The following PTPRN2 variants were observed in gnomAD, a reference collection of about 807,000 sequenced individuals.
PTPRN2 encodes protein tyrosine phosphatase receptor type N2.
In PTPRN2, 74 loss-of-function variants were observed where a neutral mutation model predicts 118.8. The ratio of observed to expected loss-of-function variants is 0.62; its 90% CI spans 0.52 to 0.76. The LOEUF (loss-of-function observed/expected upper bound fraction) is 0.76. PTPRN2 is among the 30% of genes least tolerant of loss of function. The pLI is 0.00. For synonymous variants in PTPRN2, 641 were observed against 608.0 expected, an observed-to-expected ratio of 1.05 and a Z score of -0.80; for missense variants, 1,481 against 1,394.4, an observed-to-expected ratio of 1.06 and a Z score of -0.99.
At chr7:157,762,643 T>C (rs1186790676) in intron 12 of PTPRN2, among the ~76,000 whole-genome samples, 3 of 150,416 alleles carry the variant, frequency 2.0e-5, no homozygotes, top group East Asian at 2.0e-4. Flanking sequence ...TACCTAATGC[T>C]AGATGACGAG....
At chr7:158,310,588 C>T (rs550542237) in intron 3 of PTPRN2, among the ~76,000 whole-genome samples, 17 of 152,346 alleles carry the variant, frequency 1.1e-4, no homozygotes, top group South Asian at 4.1e-4. Context: ...TGGAAGGAGC[C>T]ACTGGGCCTG....
chr7:158,151,666 C>T (rs1229284553), intron 6 of PTPRN2, among the ~76,000 whole-genome samples: 1 of 152,144 alleles, frequency 6.6e-6, no homozygotes, highest in East Asian at 1.9e-4. Context: ...CTCCTTCTTC[C>T]CTCTTGTTTC....
At chr7:157,875,847 C>A (rs1199858911) in intron 12 of PTPRN2, among the ~76,000 whole-genome samples, 1 of 150,430 alleles carries the variant, frequency 6.6e-6, no homozygotes, top group African/African-American at 2.4e-5. Flanking sequence ...GCCAGGCGTC[C>A]CCAGGGCAGG....
At chr7:157,742,016 CT>C (rs1800660446) in intron 12 of PTPRN2, among the ~76,000 whole-genome samples, 1 of 152,214 alleles carries the variant, frequency 6.6e-6, no homozygotes, top group Non-Finnish European at 1.5e-5. Context: ...AGCGCTCTTT[CT>C]GTGTGGATGG....
intron 14 of PTPRN2, among the ~76,000 whole-genome samples, chr7:157,628,252 G>A (rs1358877410): frequency 6.6e-6 from 1 of 152,192 alleles, no homozygotes. Flanking sequence ...TGTTCACAAT[G>A]TATTACATAG....
chr7:158,551,275 G>A (rs1343808470), intron 1 of PTPRN2, among the ~76,000 whole-genome samples: 1 of 152,242 alleles, frequency 6.6e-6, no homozygotes. Context: ...GCTGTCTCAT[G>A]GTCTTGCCTC....
chr7:157,548,237 A>C (rs1323069683), intron 22 of PTPRN2, among the ~76,000 whole-genome samples: 1 of 152,132 alleles, frequency 6.6e-6, no homozygotes, highest in African/African-American at 2.4e-5. Context: ...ACAACAACAA[A>C]CAAACAACAA....
intron 3 of PTPRN2, among the ~76,000 whole-genome samples, chr7:158,281,514 C>T (rs1799422078): frequency 6.6e-6 from 1 of 152,228 alleles, no homozygotes; most frequent in Non-Finnish European, 1.5e-5. Context: ...CATATGCCCA[C>T]AGTCTGCTAT....
At chr7:157,989,995 G>T (rs1288900221) in intron 11 of PTPRN2, among the ~76,000 whole-genome samples, 1 of 152,068 alleles carries the variant, frequency 6.6e-6, no homozygotes, top group Non-Finnish European at 1.5e-5. Flanking sequence ...GCTGCTTCGT[G>T]TCCCTTCTTT....
chr7:158,262,775 C>T (rs567324311), intron 3 of PTPRN2, among the ~76,000 whole-genome samples: 29 of 139,534 alleles, frequency 2.1e-4, no homozygotes, highest in African/African-American at 7.3e-4. Flanking sequence ...CACACATTCA[C>T]ACACACTACA....
intron 12 of PTPRN2, among the ~76,000 whole-genome samples, chr7:157,782,972 A>T (rs1407083506): frequency 6.6e-6 from 1 of 152,100 alleles, no homozygotes. Context: ...ATGTTGGGGG[A>T]GTGACCTGGT....
intron 11 of PTPRN2, among the ~76,000 whole-genome samples, chr7:157,935,735 TG>T (rs1799656823): frequency 6.6e-6 from 1 of 152,226 alleles, no homozygotes; most frequent in Middle Eastern, 3.2e-3. Flanking sequence ...GTCCACTCCT[TG>T]CTTTTAAAAT....
chr7:158,121,824 G>T (rs899360273), intron 9 of PTPRN2, among the ~76,000 whole-genome samples: 5 of 152,218 alleles, frequency 3.3e-5, no homozygotes, highest in Non-Finnish European at 7.3e-5. Flanking sequence ...GCCTGGCAAG[G>T]GTGACAGTGC....
At chr7:157,631,265 C>A (rs927514514) in intron 14 of PTPRN2, among the ~76,000 whole-genome samples, 1 of 152,170 alleles carries the variant, frequency 6.6e-6, no homozygotes, top group Non-Finnish European at 1.5e-5. Context: ...CGGAGAAAGT[C>A]CCCAGTTGGT....
chr7:157,732,211 CAGTT>C (rs1302611319), intron 12 of PTPRN2, among the ~76,000 whole-genome samples: 1 of 85,422 alleles, frequency 1.2e-5, no homozygotes, highest in African/African-American at 4.4e-5. Flanking sequence ...GCGCCCAGCA[CAGTT>C]ACTCTTTCCC....
chr7:157,828,958 T>A (rs953568207), intron 12 of PTPRN2, among the ~76,000 whole-genome samples: 2 of 152,234 alleles, frequency 1.3e-5, no homozygotes, highest in Non-Finnish European at 2.9e-5. Context: ...TCTTTATGCA[T>A]CATGGTTTTT....
At chr7:158,350,727 G>T (rs1247135317) in intron 2 of PTPRN2, among the ~76,000 whole-genome samples, 1 of 152,138 alleles carries the variant, frequency 6.6e-6, no homozygotes, top group Non-Finnish European at 1.5e-5. Flanking sequence ...TGGATCAGTC[G>T]CTCATCACCG....
At chr7:158,507,087 G>T (rs139436407) in intron 1 of PTPRN2, among the ~76,000 whole-genome samples, 1 of 152,246 alleles carries the variant, frequency 6.6e-6, no homozygotes, top group East Asian at 1.9e-4. Flanking sequence ...GAGAGGCAGG[G>T]AGAGGGGTGG....
chr7:157,802,293 T>C (rs1805362435), intron 12 of PTPRN2, among the ~76,000 whole-genome samples: 1 of 152,190 alleles, frequency 6.6e-6, no homozygotes, highest in African/African-American at 2.4e-5. Flanking sequence ...CTTCGGTGCG[T>C]TCAATTGTCA....
Sources: gnomAD v4.1 joint callset for allele counts (sites outside exome capture counted in the v4.1 genomes callset) on GRCh38, gnomAD v4.1.1 for gene constraint, MANE v1.5 for transcripts, NCBI Gene and HGNC (gene_info 2026-07-23, HGNC 2026-07-21) for gene names.